Variants in KLHDC4 observed in about 807,000 individuals in gnomAD.
KLHDC4 encodes the protein kelch domain-containing protein 4.
Under a neutral mutation model 62.4 loss-of-function variants are expected in KLHDC4, and 90 were observed. That is an observed-to-expected ratio of 1.44 (90% CI 1.22 to 1.72). The LOEUF (loss-of-function observed/expected upper bound fraction) is 1.72. Among genes scored for constraint, KLHDC4 ranks in the 40% most tolerant of loss-of-function variants. The probability of loss-of-function intolerance (pLI) is 0.00; values close to 1 mark genes in which losing one functional copy is unlikely to be tolerated. For missense variants in KLHDC4, 1,025 were observed against 699.7 expected (o/e 1.47, Z -5.25); for synonymous variants, 386 against 284.4 (o/e 1.36, Z -3.59).
At chr16:87,702,468 TGTA>T (rs1336502101) in exon 1 of KLHDC4, 1 of 362,718 alleles carries the variant, frequency 2.8e-6, no homozygotes, top group African/African-American at 2.1e-5. Flanking sequence ...CGTCCCCAAA[TGTA>T]GCCACATCAG....
At chr16:87,743,796 G>A (rs1254157006) in intron 5 of KLHDC4, among the ~76,000 whole-genome samples, 1 of 152,110 alleles carries the variant, frequency 6.6e-6, no homozygotes, top group Non-Finnish European at 1.5e-5. Flanking sequence ...TTCCCAGGGT[G>A]TTTAGAGGTC....
exon 1 of KLHDC4, chr16:87,701,738 A>G (rs936790996): frequency 4.4e-6 from 2 of 456,554 alleles, no homozygotes; most frequent in African/African-American, 2.0e-5. Context: ...GCTCAGGCCT[A>G]TGCCGCCCGC....
At chr16:87,745,675 A>G (rs1167365419) in intron 5 of KLHDC4, among the ~76,000 whole-genome samples, 1 of 152,164 alleles carries the variant, frequency 6.6e-6, no homozygotes, top group Non-Finnish European at 1.5e-5. Flanking sequence ...GAAGGTCTTC[A>G]AGACGACATT....
chr16:87,721,003 G>C lies in KLHDC4; in HGVS notation c.759+5762C>G, dbSNP rs967496494. Among the ~76,000 whole-genome samples, 13 of 152,310 alleles carry C rather than the reference G, an allele frequency of 8.5e-5. No individual in the cohort carries two copies. In the South Asian group the frequency reaches 1.4e-3, roughly 17 times the overall value. ...CTTCCATACCTGAAGCTGGGCCCCA[G>C]GGCACCTTCCCATCCACATCCGAGA... On this transcript the variant is annotated intron_variant, in intron 7 of 11. Coordinates refer to ENST00000270583, the MANE Select transcript of KLHDC4 (RefSeq NM_017566.4).
chr16:87,730,875 G>C, intron 5 of KLHDC4: 1 of 420,250 alleles, frequency 2.4e-6, no homozygotes, highest in South Asian at 2.8e-5. Flanking sequence ...ACATCTCCAA[G>C]ACCTTGGACT....
At chr16:87,729,040 G>A (rs1279064302) in intron 6 of KLHDC4, among the ~76,000 whole-genome samples, 1 of 152,090 alleles carries the variant, frequency 6.6e-6, no homozygotes, top group Non-Finnish European at 1.5e-5. Flanking sequence ...GCCTCCCAAA[G>A]TGCTGAGATT....
chr16:87,761,798 A>C, intron 2 of KLHDC4, 151 bp downstream of exon 2: 1 of 769,586 alleles, frequency 1.3e-6, no homozygotes, highest in Non-Finnish European at 2.2e-6. Flanking sequence ...GCCTCATTCC[A>C]GTTCTTCAGC....
intron 7 of KLHDC4, among the ~76,000 whole-genome samples, chr16:87,719,659 T>A: frequency 7.1e-6 from 1 of 140,446 alleles, no homozygotes; most frequent in African/African-American, 2.7e-5. Context: ...CCAAGAATGA[T>A]CAATAAATAC....
chr16:87,699,357 A>G (rs2034035212), exon 1 of KLHDC4: 1 of 152,266 alleles, frequency 6.6e-6, no homozygotes, highest in Admixed American at 6.5e-5. Context: ...TCAGGCATGC[A>G]ATGCCTGAGC....
intron 2 of KLHDC4, among the ~76,000 whole-genome samples, chr16:87,761,134 A>G (rs922839729): frequency 3.3e-5 from 5 of 152,258 alleles, no homozygotes; most frequent in Admixed American, 6.5e-5. Context: ...CCTAATGGAC[A>G]TGAAGTGAAA....
intron 5 of KLHDC4, among the ~76,000 whole-genome samples, chr16:87,737,773 T>C (rs1217465847): frequency 6.6e-6 from 1 of 151,994 alleles, no homozygotes. Flanking sequence ...TGTATTTCTG[T>C]AGAGATGGCG....
At chr16:87,755,319 G>C (rs915670350) in intron 3 of KLHDC4, 27 bp from the exon 4 acceptor site, 1 of 1,228,108 alleles carries the variant, frequency 8.1e-7, no homozygotes, top group Admixed American at 1.7e-5. Context: ...GAATGTCAGT[G>C]TCACAAATGA....
chr16:87,742,021 A>T (rs1481762521), intron 5 of KLHDC4, among the ~76,000 whole-genome samples: 1 of 152,208 alleles, frequency 6.6e-6, no homozygotes, highest in Non-Finnish European at 1.5e-5. Context: ...CTGACACAGC[A>T]ATCTTCCCCA....
intron 5 of KLHDC4, among the ~76,000 whole-genome samples, chr16:87,739,373 C>G (rs997316724): frequency 7.2e-6 from 1 of 138,812 alleles, no homozygotes; most frequent in Non-Finnish European, 1.6e-5. Context: ...CATCCACACA[C>G]CAGCACGTCA....
exon 1 of KLHDC4, chr16:87,701,890 G>A (rs1378013480): frequency 8.8e-6 from 4 of 456,362 alleles, no homozygotes; most frequent in Admixed American, 2.3e-5. Context: ...AGGGAGTGGA[G>A]GATGGGGCTC....
exon 1 of KLHDC4, chr16:87,698,926 T>C (rs1453997668): frequency 1.3e-5 from 2 of 152,220 alleles, no homozygotes; most frequent in African/African-American, 4.8e-5. Flanking sequence ...GTGAGAGCCA[T>C]TTTCCGCCCC....
chr16:87,760,833 G>A (rs1050578622), intron 2 of KLHDC4, among the ~76,000 whole-genome samples: 5 of 151,996 alleles, frequency 3.3e-5, no homozygotes, highest in African/African-American at 7.3e-5. Flanking sequence ...AGGAGTTCAC[G>A]ACCAGCCAGG....
intron 7 of KLHDC4, among the ~76,000 whole-genome samples, chr16:87,717,499 T>C (rs556187636): frequency 2.6e-5 from 4 of 152,342 alleles, no homozygotes; most frequent in African/African-American, 9.6e-5. Flanking sequence ...ATTGGCCATA[T>C]GGAGAGTGAC....
At chr16:87,748,878 G>GTTT in intron 4 of KLHDC4, 69 bp from the exon 5 acceptor site, 1 of 1,587,402 alleles carries the variant, frequency 6.3e-7, no homozygotes, top group Non-Finnish European at 8.6e-7. Context: ...TGGGTGACCG[G>GTTT]TAGTGGTGAG....
Sources: gnomAD v4.1 joint callset for allele counts (sites outside exome capture counted in the v4.1 genomes callset) on GRCh38, gnomAD v4.1.1 for gene constraint, MANE v1.5 for transcripts, NCBI Gene and HGNC (gene_info 2026-07-23, HGNC 2026-07-21) for gene names.